Variants in DGKD observed in about 807,000 individuals in gnomAD.
DGKD encodes the protein diacylglycerol kinase delta.
In DGKD, 68 loss-of-function variants were observed where a neutral mutation model predicts 154.4. That is an observed-to-expected ratio of 0.44 (90% confidence interval 0.36 to 0.54). DGKD has a LOEUF of 0.54. Ranked by LOEUF, DGKD falls within the 20% of genes least tolerant of loss-of-function variation. The pLI is 0.00. For missense variants in DGKD, 1,343 were observed against 1,593.6 expected (o/e 0.84, Z 2.68); for synonymous variants, 693 against 638.0 (o/e 1.09, Z -1.30).
intron 27 of DGKD, among the ~76,000 whole-genome samples, chr2:233,466,440 G>T (rs1213945675): frequency 2.0e-5 from 3 of 151,892 alleles, no homozygotes; most frequent in African/African-American, 7.3e-5. Flanking sequence ...CTACTTGCTT[G>T]CTATATTTTT....
chr2:233,468,848 A>G (rs1417355589), intron 29 of DGKD, among the ~76,000 whole-genome samples: 1 of 152,216 alleles, frequency 6.6e-6, no homozygotes, highest in Non-Finnish European at 1.5e-5. Flanking sequence ...CAGACCCTGA[A>G]GCACAGTCAC....
At chr2:233,392,026 A>G (rs1703654307) in intron 3 of DGKD, 1 of 152,124 alleles carries the variant, frequency 6.6e-6, no homozygotes, top group South Asian at 2.1e-4. Context: ...TCAGTTGATT[A>G]ATTAATGAAT....
At chr2:233,442,321 G>A in intron 10 of DGKD, 1 of 455,200 alleles carries the variant, frequency 2.2e-6, no homozygotes, top group Non-Finnish European at 4.2e-6. Flanking sequence ...TTGTCTTGAG[G>A]CCTCTTGCTT....
chr2:233,435,668 GCGTAT>G, intron 5 of DGKD, 145 bp from the exon 6 acceptor site: 1 of 597,214 alleles, frequency 1.7e-6, no homozygotes, highest in Non-Finnish European at 2.7e-6. Flanking sequence ...CAGCCTCTAA[GCGTAT>G]CACAGTAGTT....
chr2:233,442,199 C>G (rs752487171), intron 10 of DGKD: 343 of 684,950 alleles, frequency 5.0e-4, no homozygotes, highest in Non-Finnish European at 8.5e-4. Flanking sequence ...GGCCCGGGGG[C>G]TCTGGCCATG....
At chr2:233,390,981 CCTT>C in intron 3 of DGKD, among the ~76,000 whole-genome samples, 1 of 152,338 alleles carries the variant, frequency 6.6e-6, no homozygotes, top group East Asian at 1.9e-4. Flanking sequence ...GATCCACCCT[CCTT>C]GGCCTCCCAA....
intron 1 of DGKD, among the ~76,000 whole-genome samples, chr2:233,364,022 G>A (rs994483398): frequency 5.3e-5 from 8 of 152,118 alleles, no homozygotes; most frequent in Non-Finnish European, 1.0e-4. Context: ...AGAGAAAGGC[G>A]GAGGTTGCAG....
At chr2:233,447,729 C>T (rs2063132094) in intron 12 of DGKD, 1 of 1,098,164 alleles carries the variant, frequency 9.1e-7, no homozygotes, top group Non-Finnish European at 1.1e-6. Context: ...GAAACAGCCT[C>T]TGCTGCAAAC....
Position 233,457,222 on chromosome 2 carries a change from G to T in DGKD, c.2474G>T (p.Cys825Phe). 1.3e-6 allele frequency: 2 copies of T among 1,518,018 alleles called. No individual in the cohort carries two copies. The highest frequency in any genetic ancestry group is 1.8e-6 in the Non-Finnish European group (2 of 1,133,318). 94.0% of individuals were successfully genotyped at this position (1,518,018 alleles called of 1,614,324 possible). A position where few individuals can be genotyped will look rare whatever the true frequency, so the allele number is the denominator to read the frequency against. ...TTGTTCTGTGTCTCTGCTGCTCAGT[G>T]TGACGGGCGACCCATCCCACTCCCC... ...KNLEQKVLLE[C>F]DGRPIPLPSL... The change falls in exon 21 of 30, where the codon TGT (cysteine) becomes TTT (phenylalanine). Residue 825 changes from cysteine to phenylalanine, a missense_variant and splice_region_variant. Physicochemically the swap from Cys to Phe is radical, Grantham distance 205. This residue lies in a region of DGKD where 60 missense variants were observed against 112.4 expected (regional missense o/e 0.53). Coordinates refer to ENST00000264057, the MANE Select transcript of DGKD (RefSeq NM_152879.3). The surrounding 1 kb of genome is among the most constrained non-coding windows in gnomAD (Gnocchi z 5.5).
At chr2:233,369,228 C>T (rs1451937551) in intron 1 of DGKD, among the ~76,000 whole-genome samples, 2 of 152,224 alleles carry the variant, frequency 1.3e-5, no homozygotes, top group East Asian at 3.8e-4. Flanking sequence ...TCCCTGTCCA[C>T]TGTATCCATC....
At chr2:233,386,157 GT>G (rs1703164723) in intron 1 of DGKD, 16 of 289,892 alleles carry the variant, frequency 5.5e-5, no homozygotes, top group Non-Finnish European at 9.7e-5. Context: ...TGTTGGTTTT[GT>G]CTTTTTTTTT....
chr2:233,361,921 G>T (rs1559469482), intron 1 of DGKD, among the ~76,000 whole-genome samples: 1 of 152,060 alleles, frequency 6.6e-6, no homozygotes. Context: ...TCAGCCCCCC[G>T]AGTAGCTAGG....
At chr2:233,464,024 C>A in intron 26 of DGKD, 140 bp from the exon 27 acceptor site, 1 of 1,210,046 alleles carries the variant, frequency 8.3e-7, no homozygotes, top group Non-Finnish European at 1.1e-6. Flanking sequence ...TTTTCTGGTG[C>A]TCTGGGACTT....
Position 233,438,423 on chromosome 2 carries a change from T to C in DGKD, c.1085+44T>C, listed in dbSNP as rs2062770075. 1 of 1,566,508 alleles carries C rather than the reference T, an allele frequency of 6.4e-7. No homozygotes were observed. Among genetic ancestry groups the C allele is most frequent in the African/African-American group, 1.4e-5 (1 of 71,950 alleles). The stretch of plus-strand genomic sequence containing the variant: ...ATATCTTTCTTGGAGTTTTAAAAAT[T>C]GTGTAGATAGTGTGTGCTTGTTAAA... On this transcript the variant is annotated intron_variant, in intron 9 of 29. Transcript: ENST00000264057. The surrounding 1 kb of genome is among the most constrained non-coding windows in gnomAD (Gnocchi z 4.1).
At chr2:233,367,418 G>A (rs543662107) in intron 1 of DGKD, among the ~76,000 whole-genome samples, 113 of 151,952 alleles carry the variant, frequency 7.4e-4, no homozygotes, top group African/African-American at 1.9e-3. Context: ...TAGTAGAGAC[G>A]GGGTTTCACC....
Position 233,458,141 on chromosome 2 carries a change from A to G in DGKD, c.2581-143A>G, listed in dbSNP as rs1041196407. 55 of 544,040 alleles carry G rather than the reference A, an allele frequency of 1.0e-4. No homozygotes were observed. Among genetic ancestry groups the G allele is most frequent in the African/African-American group, 9.0e-4 (48 of 53,304 alleles). 33.7% of individuals were successfully genotyped at this position (544,040 alleles called of 1,614,324 possible). On this transcript the variant is annotated intron_variant, in intron 21 of 29. Coordinates refer to ENST00000264057, the MANE Select transcript of DGKD (RefSeq NM_152879.3). This position sits in a 1 kb window ranked among gnomAD's most constrained non-coding sequence, Gnocchi z 6.6. ...GGCAGCTGGTTTCAGGGCCTGCAACATGAAGCCCGTCAGGAGTGCAGTTAC... is the reference window on the plus strand; with the variant it reads ...GGCAGCTGGTTTCAGGGCCTGCAACGTGAAGCCCGTCAGGAGTGCAGTTAC...
rs2063208916 is a variant in DGKD at position 233,449,770 on chromosome 2, G to A, written c.1889-212G>A. ...CTTGCCTTCCCCTGCAAGGGTTCCA[G>A]ACCTCCCAGCCTGTTAGCAGGGACG... On this transcript the variant is annotated intron_variant, in intron 15 of 29. Coordinates refer to ENST00000264057, the MANE Select transcript of DGKD (RefSeq NM_152879.3). The surrounding 1 kb of genome is among the most constrained non-coding windows in gnomAD (Gnocchi z 5.3). Among the ~76,000 whole-genome samples, 1 of 152,126 alleles carries A rather than the reference G, an allele frequency of 6.6e-6. No individual in the cohort carries two copies. The highest frequency in any genetic ancestry group is 1.5e-5 in the Non-Finnish European group (1 of 68,024).
intron 5 of DGKD, among the ~76,000 whole-genome samples, 174 bp from the exon 6 acceptor site, chr2:233,435,644 G>C (rs1467730121): frequency 6.6e-6 from 1 of 152,164 alleles, no homozygotes; most frequent in African/African-American, 2.4e-5. Context: ...TGCCGCTGCC[G>C]GTCCCACCGC....
At position 233,449,395 on chromosome 2, in the gene DGKD, A is replaced by AG. The variant is rs770156637; in HGVS notation, c.1888+21dup. 1.3e-6 allele frequency: 2 copies of AG among 1,583,082 alleles called. No homozygotes were observed. The highest frequency in any genetic ancestry group is 1.7e-6 in the Non-Finnish European group (2 of 1,157,176). ...GAAAAAGGTAACTGGCCTTGTGATG[A>AG]GGAGGGGCTTTCCTCAGGCCAGCAC... On this transcript the variant is annotated intron_variant, in intron 15 of 29. Transcript: ENST00000264057. This position sits in a 1 kb window ranked among gnomAD's most constrained non-coding sequence, Gnocchi z 5.3.
Sources: gnomAD v4.1 joint callset for allele counts (sites outside exome capture counted in the v4.1 genomes callset) on GRCh38, gnomAD v4.1.1 for gene constraint, gnomAD v4.1.1 regional missense constraint, Gnocchi (gnomAD v3.1) non-coding constraint, MANE v1.5 for transcripts, NCBI Gene and HGNC (gene_info 2026-07-23, HGNC 2026-07-21) for gene names.